Variants in VGLL4 observed in about 807,000 individuals in gnomAD.
The protein encoded by VGLL4 is transcription cofactor vestigial-like protein 4.
In VGLL4, 7 loss-of-function variants were observed where a neutral mutation model predicts 21.0. The ratio of observed to expected loss-of-function variants is 0.33; its 90% CI spans 0.19 to 0.63. The LOEUF is 0.63. VGLL4 is among the 20% of genes least tolerant of loss of function. The pLI is 0.78. For missense variants in VGLL4, 394 were observed against 425.7 expected, an observed-to-expected ratio of 0.93 and a Z score of 0.66; for synonymous variants, 222 against 173.2, an observed-to-expected ratio of 1.28 and a Z score of -2.21.
intron 2 of VGLL4, among the ~76,000 whole-genome samples, chr3:11,592,958 G>A (rs1416646861): frequency 6.6e-6 from 1 of 152,168 alleles, no homozygotes. Flanking sequence ...CTGAGAATCA[G>A]GACCTATCAT....
intron 2 of VGLL4, among the ~76,000 whole-genome samples, chr3:11,659,063 G>T (rs1467602986): frequency 6.6e-6 from 1 of 152,108 alleles, no homozygotes; most frequent in Non-Finnish European, 1.5e-5. Flanking sequence ...ATGCCTCTAA[G>T]AATTATTTAC....
chr3:11,640,027 C>T lies in VGLL4; in HGVS notation c.82+3410G>A, dbSNP rs573182679. 2.3e-4 allele frequency among the ~76,000 whole-genome samples: 35 copies of T among 152,344 alleles called. No homozygotes were observed. The Middle Eastern group carries it at 0.01, about 44-fold the overall frequency. On this transcript the variant is annotated intron_variant, in intron 1 of 4. Transcript: ENST00000430365. ...AAACAGAGTTTCCCTCTCTGAGCCT[C>T]ACTTTCCTTGGTGAAAACAAGGCAA...
At chr3:11,716,612 A>C (rs1372418372) in intron 1 of VGLL4, among the ~76,000 whole-genome samples, 1 of 152,256 alleles carries the variant, frequency 6.6e-6, no homozygotes, top group Non-Finnish European at 1.5e-5. Flanking sequence ...GACCTGAGGC[A>C]TGAGACACAG....
intron 2 of VGLL4, among the ~76,000 whole-genome samples, chr3:11,666,243 C>CT (rs1559933388): frequency 7.2e-6 from 1 of 138,274 alleles, no homozygotes; most frequent in Non-Finnish European, 1.5e-5. Flanking sequence ...AGCGAGACTG[C>CT]GCCTCAAAAA....
At chr3:11,608,940 C>A (rs1292181292) in intron 1 of VGLL4, among the ~76,000 whole-genome samples, 1 of 152,188 alleles carries the variant, frequency 6.6e-6, no homozygotes, top group East Asian at 1.9e-4. Context: ...TGGCTCACTG[C>A]AACCTCTGCC....
intron 1 of VGLL4, among the ~76,000 whole-genome samples, chr3:11,642,190 C>T (rs1430217293): frequency 6.6e-6 from 1 of 151,972 alleles, no homozygotes; most frequent in Non-Finnish European, 1.5e-5. Flanking sequence ...AAGAAATTCA[C>T]GAAAATTCTC....
intron 2 of VGLL4, among the ~76,000 whole-genome samples, chr3:11,679,728 AAAGT>A: frequency 6.6e-6 from 1 of 152,272 alleles, no homozygotes; most frequent in East Asian, 1.9e-4. Flanking sequence ...ATAAAGAAAG[AAAGT>A]ATTTTTGTTC....
chr3:11,634,437 C>T (rs1022149123), intron 1 of VGLL4, among the ~76,000 whole-genome samples: 9 of 152,206 alleles, frequency 5.9e-5, no homozygotes, highest in African/African-American at 1.7e-4. Flanking sequence ...ATTTGCCTTA[C>T]CCCTATCTCT....
rs1389281907 is a variant in VGLL4 at position 11,661,050 on chromosome 3, C to G, written c.64+41921G>C. ...CCAAAATTCTTTACAAAACTGAACA[C>G]TACCCTGCTAGTTGATCGATTCAAA... On this transcript the variant is annotated intron_variant, in intron 2 of 5. Transcript: ENST00000273038. Among the ~76,000 whole-genome samples, 3 of 152,180 alleles carry G rather than the reference C, an allele frequency of 2.0e-5. No individual in the cohort carries two copies. In the East Asian group the frequency reaches 5.8e-4, roughly 29 times the overall value.
chr3:11,576,334 T>G (rs953112185), intron 2 of VGLL4, among the ~76,000 whole-genome samples: 1 of 152,248 alleles, frequency 6.6e-6, no homozygotes, highest in Admixed American at 6.5e-5. Flanking sequence ...TTAATAAAAT[T>G]GAAAAGAATT....
At chr3:11,626,972 G>A (rs1372341770) in intron 1 of VGLL4, among the ~76,000 whole-genome samples, 3 of 152,072 alleles carry the variant, frequency 2.0e-5, no homozygotes, top group Admixed American at 6.5e-5. Context: ...GTGGGGGGCA[G>A]TGAAACTGGA....
rs71044228 is a variant in VGLL4, at chr3:11,578,748, CT to C, written c.273-13730del. Reference sequence around the variant, plus strand: ...TTTTGAGGCATCTACTGTATATTTTCTTTTTTTTTTTTTTTTTTTGAGATGG... The same window carrying C: ...TTTTGAGGCATCTACTGTATATTTTCTTTTTTTTTTTTTTTTTTGAGATGG... On this transcript the variant is annotated intron_variant, in intron 2 of 4. Coordinates refer to ENST00000430365, the MANE Select transcript of VGLL4 (RefSeq NM_001128219.3). Among the ~76,000 whole-genome samples, 469 of 104,690 alleles carry C rather than the reference CT, an allele frequency of 4.5e-3. 3 individuals carry two copies. The highest frequency in any genetic ancestry group is 0.016 in the African/African-American group (444 of 27,136). The allele number at this position is 104,690 out of a possible 152,430, so 68.7% of individuals were successfully genotyped here. A position where few individuals can be genotyped will look rare whatever the true frequency, so the allele number is the denominator to read the frequency against.
chr3:11,562,555 A>G (rs1028825094), intron 3 of VGLL4, among the ~76,000 whole-genome samples: 1 of 152,066 alleles, frequency 6.6e-6, no homozygotes, highest in Non-Finnish European at 1.5e-5. Context: ...CCAGGAAGAG[A>G]CCTCGGAGCT....
intron 2 of VGLL4, among the ~76,000 whole-genome samples, chr3:11,679,319 C>T (rs568783189): frequency 2.0e-5 from 3 of 151,524 alleles, no homozygotes; most frequent in South Asian, 2.1e-4. Context: ...TAGGATAATG[C>T]GTGTGTTTGT....
At chr3:11,610,509 C>T (rs2075040556) in intron 1 of VGLL4, 1 of 152,248 alleles carries the variant, frequency 6.6e-6, no homozygotes, top group African/African-American at 2.4e-5. Flanking sequence ...TACTATAATG[C>T]TCTGGGCGGC....
In VGLL4 at chr3:11,643,715, C is replaced by T; in HGVS notation, c.-197G>A. 7.1e-6 allele frequency: 10 copies of T among 1,412,360 alleles called. No homozygotes were observed. Among genetic ancestry groups the T allele is most frequent in the South Asian group, 1.5e-5 (1 of 65,360 alleles). 87.5% of individuals were successfully genotyped at this position (1,412,360 alleles called of 1,614,324 possible). The stretch of plus-strand genomic sequence containing the variant: ...CAAAAAAATCGAGCTCACACGAAAC[C>T]CTTCAAGGGCTTACTGGTAGACGGT... On this transcript the variant is annotated 5_prime_UTR_variant, in exon 1 of 5. Transcript: ENST00000430365.
intron 1 of VGLL4, among the ~76,000 whole-genome samples, chr3:11,602,393 A>G (rs1320432122): frequency 2.0e-5 from 3 of 151,830 alleles, no homozygotes; most frequent in African/African-American, 7.3e-5. Flanking sequence ...TAGGAGAATG[A>G]CCTCACTGCA....
intron 1 of VGLL4, among the ~76,000 whole-genome samples, chr3:11,605,312 C>A (rs61224739): frequency 0.16 from 15,603 of 98,216 alleles, 1,289 homozygotes; most frequent in African/African-American, 0.22. Context: ...CCCCAATCCT[C>A]CACAGCTCTG....
At chr3:11,634,274 C>T (rs1388772419) in intron 1 of VGLL4, among the ~76,000 whole-genome samples, 5 of 152,282 alleles carry the variant, frequency 3.3e-5, no homozygotes, top group East Asian at 1.9e-4. Context: ...ACCACCCATC[C>T]GCTTGTAGGA....
Sources: gnomAD v4.1 joint callset for allele counts (sites outside exome capture counted in the v4.1 genomes callset) on GRCh38, gnomAD v4.1.1 for gene constraint, MANE v1.5 for transcripts, NCBI Gene and HGNC (gene_info 2026-07-23, HGNC 2026-07-21) for gene names.